The following TP63 variants were observed in gnomAD, a reference collection of about 807,000 sequenced individuals.
The protein encoded by TP63 is tumor protein p63.
Under a neutral mutation model 82.8 loss-of-function variants are expected in TP63, and 17 were observed. The ratio of observed to expected loss-of-function variants is 0.21; its 90% CI spans 0.14 to 0.31. The LOEUF (loss-of-function observed/expected upper bound fraction) is 0.31. Among genes scored for constraint, TP63 ranks in the 10% least tolerant of loss-of-function variants. The pLI is 1.00. For missense variants in TP63, 648 were observed against 895.3 expected (o/e 0.72, Z 3.52); for synonymous variants, 330 against 321.7 (o/e 1.03, Z -0.28).
rs1716529330 is a variant in TP63, at chr3:189,858,133, C to CAT, written c.580-6099_580-6098insAT. Among the ~76,000 whole-genome samples the CAT allele has an allele frequency of 5.5e-5, 6 of 108,656 alleles. No individual in the cohort carries two copies. In the South Asian group the frequency reaches 1.9e-3, roughly 35 times the overall value. 71.3% of individuals were successfully genotyped at this position (108,656 alleles called of 152,430 possible). ...GAAAATGTTGTGTATAGGCCGGGCG[C>CAT]GGTGGCTCACGCCTGTAATCCCAGC... On this transcript the variant is annotated intron_variant, in intron 4 of 13. Coordinates refer to ENST00000264731, the MANE Select transcript of TP63 (RefSeq NM_003722.5).
chr3:189,675,508 TG>T (rs1470845640), intron 1 of TP63, among the ~76,000 whole-genome samples: 1 of 152,152 alleles, frequency 6.6e-6, no homozygotes, highest in Non-Finnish European at 1.5e-5. Flanking sequence ...CAGTGCTATT[TG>T]TACCAGGTCA....
At chr3:189,611,632 A>G in the TP63 span, among the ~76,000 whole-genome samples, 2 of 151,996 alleles carry the variant, frequency 1.3e-5, no homozygotes, top group Non-Finnish European at 2.9e-5. Flanking sequence ...TCTTGTTTGA[A>G]TTTTAAAATA....
the TP63 span, among the ~76,000 whole-genome samples, chr3:189,597,451 G>A: frequency 6.6e-6 from 1 of 152,140 alleles, no homozygotes; most frequent in African/African-American, 2.4e-5. Flanking sequence ...AATCCTTTTA[G>A]GAGGAAGATA....
At chr3:189,748,508 C>CAAAAAAAAAAAAAAAAA (rs58926854) in intron 3 of TP63, among the ~76,000 whole-genome samples, 92 of 31,200 alleles carry the variant, frequency 2.9e-3, no homozygotes, top group Non-Finnish European at 3.5e-3. Context: ...AGGAAAACTA[C>CAAAAAAAAAAAAAAAAA]AAAAAAAAAA....
chr3:189,861,715 T>C (rs1717065597), intron 4 of TP63, among the ~76,000 whole-genome samples: 1 of 151,962 alleles, frequency 6.6e-6, no homozygotes, highest in Non-Finnish European at 1.5e-5. Flanking sequence ...TGGAGAAGAG[T>C]CGGTAAGCAT....
intron 3 of TP63, among the ~76,000 whole-genome samples, chr3:189,739,162 C>G (rs1720803680): frequency 6.6e-6 from 1 of 152,144 alleles, no homozygotes; most frequent in Admixed American, 6.6e-5. Flanking sequence ...GTCACCCAGG[C>G]TGGAGTGCAG....
intron 3 of TP63, chr3:189,789,780 T>C (rs1226360078): frequency 6.3e-7 from 1 of 1,588,878 alleles, no homozygotes; most frequent in South Asian, 1.2e-5. Context: ...GACAGCAGCA[T>C]TGATCAATCT....
chr3:189,815,175 ATCTT>A (rs750173043), intron 4 of TP63, among the ~76,000 whole-genome samples: 4 of 150,122 alleles, frequency 2.7e-5, no homozygotes, highest in Admixed American at 6.6e-5. Flanking sequence ...GCTACATGGT[ATCTT>A]TCTTTATTTT....
chr3:189,645,734 C>T (rs563406625), intron 1 of TP63, among the ~76,000 whole-genome samples: 1 of 146,356 alleles, frequency 6.8e-6, no homozygotes, highest in Admixed American at 6.7e-5. Context: ...CAATTCCCAC[C>T]TATGAGTGAG....
chr3:189,778,235 G>C lies in TP63; in HGVS notation c.325-30037G>C, dbSNP rs569620645. Among the ~76,000 whole-genome samples, 5 of 152,314 alleles carry C rather than the reference G, an allele frequency of 3.3e-5. No individual in the cohort carries two copies. In the South Asian group the frequency reaches 8.3e-4, roughly 25 times the overall value. ...TAAAGCATTCAGTTAGTGTTTGAAAGGAAATGTGTTTGTCTACAGGTGTAT... is the reference window on the plus strand; with the variant it reads ...TAAAGCATTCAGTTAGTGTTTGAAACGAAATGTGTTTGTCTACAGGTGTAT... On this transcript the variant is annotated intron_variant, in intron 3 of 13. Transcript: ENST00000264731.
In TP63 at chr3:189,864,090, G is replaced by A. The variant is rs116020441; in HGVS notation, c.580-142G>A. 4,425 of 1,041,628 alleles carry A rather than the reference G, an allele frequency of 4.2e-3. 20 individuals are homozygous for A. Among genetic ancestry groups the A allele is most frequent in the Non-Finnish European group, 5.7e-3 (3,824 of 667,340 alleles). 64.5% of individuals were successfully genotyped at this position (1,041,628 alleles called of 1,614,324 possible). On this transcript the variant is annotated intron_variant, in intron 4 of 13. Coordinates refer to ENST00000264731, the MANE Select transcript of TP63 (RefSeq NM_003722.5). The stretch of plus-strand genomic sequence containing the variant: ...ACTTCCTCTAATAACATTGACATAC[G>A]TCACATCTATAGTAGCCAGTAGTAA...
chr3:189,751,449 A>G (rs1444400593), intron 3 of TP63, among the ~76,000 whole-genome samples: 1 of 152,176 alleles, frequency 6.6e-6, no homozygotes, highest in Admixed American at 6.5e-5. Flanking sequence ...GTGTGATAGC[A>G]TTCCTATTTC....
chr3:189,838,281 A>G (rs572907939), intron 4 of TP63, among the ~76,000 whole-genome samples: 1 of 151,688 alleles, frequency 6.6e-6, no homozygotes, highest in South Asian at 2.1e-4. Context: ...TTTCAAATTT[A>G]TTGGCATGGG....
intron 3 of TP63, among the ~76,000 whole-genome samples, chr3:189,768,320 T>C (rs919394803): frequency 6.6e-6 from 1 of 152,148 alleles, no homozygotes; most frequent in Non-Finnish European, 1.5e-5. Flanking sequence ...CTGTTTTAAA[T>C]AAACACAATT....
chr3:189,808,772 T>C (rs910971476), intron 4 of TP63, among the ~76,000 whole-genome samples: 1 of 152,260 alleles, frequency 6.6e-6, no homozygotes, highest in Non-Finnish European at 1.5e-5. Flanking sequence ...TGTTCCTGCC[T>C]GCTTCACACT....
chr3:189,628,219 G>A (rs186453832), upstream of TP63, among the ~76,000 whole-genome samples: 14 of 152,238 alleles, frequency 9.2e-5, no homozygotes, highest in African/African-American at 3.1e-4. Flanking sequence ...AAAAGAGGGA[G>A]AATTTTTGGT....
chr3:189,778,793 G>C (rs1172709366), intron 3 of TP63, among the ~76,000 whole-genome samples: 1 of 152,116 alleles, frequency 6.6e-6, no homozygotes, highest in Non-Finnish European at 1.5e-5. Flanking sequence ...CTTTAACTTT[G>C]TAGCTTAAAT....
chr3:189,693,571 A>T (rs987617363), intron 1 of TP63, among the ~76,000 whole-genome samples: 3 of 152,196 alleles, frequency 2.0e-5, no homozygotes, highest in Admixed American at 1.3e-4. Flanking sequence ...TAAAAAAAGG[A>T]GTTATTGAAC....
intron 4 of TP63, among the ~76,000 whole-genome samples, chr3:189,841,501 CG>C (rs1714113333): frequency 6.6e-6 from 1 of 152,082 alleles, no homozygotes; most frequent in African/African-American, 2.4e-5. Context: ...AAGAATATCC[CG>C]CAGATACAAA....
Sources: gnomAD v4.1 joint callset for allele counts (sites outside exome capture counted in the v4.1 genomes callset) on GRCh38, gnomAD v4.1.1 for gene constraint, MANE v1.5 for transcripts, NCBI Gene and HGNC (gene_info 2026-07-23, HGNC 2026-07-21) for gene names.